Variants in SYT1 observed in about 807,000 individuals in gnomAD.
SYT1 encodes synaptotagmin 1.
SYT1 carries 8 observed loss-of-function variants against 44.8 expected under a neutral mutation model. The observed-to-expected ratio is 0.18, with a 90% CI of 0.10 to 0.32. The LOEUF (loss-of-function observed/expected upper bound fraction) is 0.32. SYT1 is among the 10% of genes least tolerant of loss of function. The probability of loss-of-function intolerance (pLI) is 1.00; values close to 1 mark genes in which losing one functional copy is unlikely to be tolerated. For synonymous variants in SYT1, 154 were observed against 188.8 expected, an observed-to-expected ratio of 0.82 and a Z score of 1.51; for missense variants, 286 against 509.3, an observed-to-expected ratio of 0.56 and a Z score of 4.22.
intron 8 of SYT1, among the ~76,000 whole-genome samples, chr12:79,332,712 C>A (rs1421434974): frequency 3.3e-5 from 5 of 152,128 alleles, no homozygotes; most frequent in Non-Finnish European, 5.9e-5. Flanking sequence ...TTTTAACCTG[C>A]TTTGTGAAGG....
chr12:79,000,408 C>T (rs1478311355), intron 2 of SYT1, among the ~76,000 whole-genome samples: 1 of 151,596 alleles, frequency 6.6e-6, no homozygotes. Context: ...ATTCTCCTGC[C>T]TCAGCCTCCC....
intron 1 of SYT1, among the ~76,000 whole-genome samples, chr12:78,869,672 A>G (rs1873718468): frequency 6.6e-6 from 1 of 152,020 alleles, no homozygotes; most frequent in South Asian, 2.1e-4. Context: ...TTAAAGTAAA[A>G]TAACACCTTT....
chr12:79,205,151 A>T (rs925199261), intron 3 of SYT1, among the ~76,000 whole-genome samples: 3 of 151,800 alleles, frequency 2.0e-5, no homozygotes, highest in Admixed American at 1.3e-4. Context: ...ATTTTAAGAG[A>T]TGGGGTTTCA....
rs538394467 is a variant in SYT1, at chr12:79,327,681, T to A, written c.811-25821T>A. Among the ~76,000 whole-genome samples, 9 of 152,320 alleles carry A rather than the reference T, an allele frequency of 5.9e-5. No individual in the cohort carries two copies. The South Asian group carries it at 1.7e-3, about 28-fold the overall frequency. On this transcript the variant is annotated intron_variant, in intron 8 of 10. Coordinates refer to ENST00000261205, the MANE Select transcript of SYT1 (RefSeq NM_005639.3). ...ATGCTGGGCACTGGTGATGTAAAGA[T>A]GAATTAGACAGTGCTAGGCTCAAGG...
At chr12:79,095,858 CAA>C (rs1878092835) in intron 3 of SYT1, among the ~76,000 whole-genome samples, 1 of 151,846 alleles carries the variant, frequency 6.6e-6, no homozygotes. Flanking sequence ...AACCAACTGA[CAA>C]GAGACAGATT....
At chr12:79,011,730 A>G (rs1186249021) in intron 2 of SYT1, among the ~76,000 whole-genome samples, 1 of 151,716 alleles carries the variant, frequency 6.6e-6, no homozygotes, top group East Asian at 1.9e-4. Context: ...TTCTGGGAGT[A>G]GATCCTGGGA....
rs532972701 is a variant in SYT1, at chr12:79,351,903, T to C, written c.811-1599T>C. Among the ~76,000 whole-genome samples, 5 of 152,300 alleles carry C rather than the reference T, an allele frequency of 3.3e-5. No homozygotes were observed. In the East Asian group the frequency reaches 7.7e-4, roughly 23 times the overall value. ...TGTGTGGAAAGTGATAATTTAATGA[T>C]GGATCCTGTCTTCAAGGAGTTTACA... On this transcript the variant is annotated intron_variant, in intron 8 of 10. Transcript: ENST00000261205.
At chr12:79,224,271 A>G (rs911075242) in intron 4 of SYT1, among the ~76,000 whole-genome samples, 2 of 152,226 alleles carry the variant, frequency 1.3e-5, no homozygotes. Flanking sequence ...GAGAACAAAT[A>G]TTTAGCACTC....
At chr12:78,929,983 C>T (rs1877546356) in intron 1 of SYT1, among the ~76,000 whole-genome samples, 1 of 151,820 alleles carries the variant, frequency 6.6e-6, no homozygotes, top group Non-Finnish European at 1.5e-5. Flanking sequence ...TTAGATTACA[C>T]TAATAAGTGA....
intron 3 of SYT1, among the ~76,000 whole-genome samples, chr12:79,048,740 G>A (rs1349742265): frequency 2.0e-5 from 3 of 151,846 alleles, no homozygotes; most frequent in East Asian, 3.9e-4. Context: ...CTGGGTACAG[G>A]GATAATTTAA....
At chr12:79,226,357 A>G (rs1875521361) in intron 4 of SYT1, among the ~76,000 whole-genome samples, 1 of 152,140 alleles carries the variant, frequency 6.6e-6, no homozygotes, top group African/African-American at 2.4e-5. Flanking sequence ...CAGCTGGAAA[A>G]AAATTATCTA....
chr12:78,971,023 G>T (rs1868365201), intron 1 of SYT1, among the ~76,000 whole-genome samples: 1 of 152,112 alleles, frequency 6.6e-6, no homozygotes. Context: ...AGTTAGCAGG[G>T]TGTGATGATG....
chr12:79,264,171 T>TA (rs1435268390), intron 4 of SYT1, among the ~76,000 whole-genome samples: 1 of 151,674 alleles, frequency 6.6e-6, no homozygotes. Context: ...CATGAAATAA[T>TA]AAGCCCAGCA....
chr12:79,181,052 T>C (rs1872512399), intron 3 of SYT1, among the ~76,000 whole-genome samples: 1 of 152,130 alleles, frequency 6.6e-6, no homozygotes, highest in Non-Finnish European at 1.5e-5. Context: ...ATGCGTCCTC[T>C]CTGCCATGAT....
intron 9 of SYT1, among the ~76,000 whole-genome samples, chr12:79,431,639 G>A (rs558875079): frequency 4.0e-4 from 61 of 152,058 alleles, no homozygotes; most frequent in African/African-American, 1.3e-3. Context: ...TGCCTCCTGG[G>A]TTCAAGCGAT....
At chr12:79,011,924 G>C (rs1871434401) in intron 2 of SYT1, among the ~76,000 whole-genome samples, 1 of 152,012 alleles carries the variant, frequency 6.6e-6, no homozygotes, top group Non-Finnish European at 1.5e-5. Flanking sequence ...CTTAGGTCAG[G>C]AGTTCAAGAC....
intron 3 of SYT1, among the ~76,000 whole-genome samples, chr12:79,199,202 C>T (rs1476250292): frequency 6.6e-6 from 1 of 152,114 alleles, no homozygotes; most frequent in African/African-American, 2.4e-5. Context: ...CAATTCAATT[C>T]AATTCAGTGT....
intron 9 of SYT1, among the ~76,000 whole-genome samples, chr12:79,385,382 G>A (rs982736380): frequency 3.3e-5 from 5 of 152,120 alleles, no homozygotes; most frequent in Non-Finnish European, 4.4e-5. Flanking sequence ...TCAGTTACTG[G>A]AAATGCATTC....
intron 4 of SYT1, among the ~76,000 whole-genome samples, chr12:79,237,399 A>G (rs1876254866): frequency 6.6e-6 from 1 of 152,208 alleles, no homozygotes; most frequent in Non-Finnish European, 1.5e-5. Context: ...ACAGAAATCC[A>G]GTGATAAATT....
Sources: allele counts gnomAD v4.1 joint callset (sites outside exome capture counted in the v4.1 genomes callset), GRCh38; gene constraint gnomAD v4.1.1; transcripts MANE v1.5; gene names NCBI Gene and HGNC (gene_info 2026-07-23, HGNC 2026-07-21).